Variants in PTPRQ observed in about 807,000 individuals in gnomAD.
PTPRQ encodes phosphatidylinositol phosphatase PTPRQ.
In PTPRQ, 199 loss-of-function variants were observed where a neutral mutation model predicts 246.0. That is an observed-to-expected ratio of 0.81 (90% CI 0.72 to 0.91). The LOEUF is 0.91. Ranked by LOEUF, PTPRQ falls within the 40% of genes least tolerant of loss-of-function variation. The pLI is 0.00. For synonymous variants in PTPRQ, 869 were observed against 853.2 expected (o/e 1.02, Z -0.32); for missense variants, 2,624 against 2,528.4 (o/e 1.04, Z -0.81).
At chr12:80,524,793 A>G (rs1022876275) in intron 17 of PTPRQ, among the ~76,000 whole-genome samples, 9 of 152,160 alleles carry the variant, frequency 5.9e-5, no homozygotes, top group Admixed American at 1.3e-4. Flanking sequence ...GATTAAGGAC[A>G]CAGGTAAGGT....
intron 25 of PTPRQ, among the ~76,000 whole-genome samples, chr12:80,559,123 G>T (rs1287010019): frequency 6.6e-6 from 1 of 151,956 alleles, no homozygotes; most frequent in East Asian, 1.9e-4. Context: ...CAGCTCACCG[G>T]AACCTCCGCC....
rs1333627464 is a variant in PTPRQ at position 80,622,139 on chromosome 12, G to A, written c.5686+5G>A. 28 of 1,408,870 alleles carry A rather than the reference G, an allele frequency of 2.0e-5. No homozygotes were observed. Among genetic ancestry groups the A allele is most frequent in the Non-Finnish European group, 2.6e-5 (28 of 1,073,090 alleles). The allele number at this position is 1,408,870 out of a possible 1,614,324, so 87.3% of individuals were successfully genotyped here. On this transcript the variant is annotated splice_donor_5th_base_variant and intron_variant, in intron 33 of 44. Transcript: ENST00000644991. ...CTGACCCTGTTAAGACTTTAGGTAA[G>A]ACATTTTTGTAATTCATTTATAATC...
chr12:80,528,956 C>T (rs1169207389), intron 17 of PTPRQ, among the ~76,000 whole-genome samples: 1 of 152,154 alleles, frequency 6.6e-6, no homozygotes, highest in Non-Finnish European at 1.5e-5. Context: ...CCAAACCAAA[C>T]CAAGTTAGCC....
Position 80,669,476 on chromosome 12 carries a change from AGGG to A in PTPRQ, c.6453+17_6453+19del. 6.5e-7 allele frequency: 1 copy of A among 1,532,064 alleles called. No individual in the cohort carries two copies. The allele number at this position is 1,532,064 out of a possible 1,614,324, so 94.9% of individuals were successfully genotyped here. On this transcript the variant is annotated intron_variant, in intron 41 of 44. Coordinates refer to ENST00000644991, the MANE Select transcript of PTPRQ (RefSeq NM_001145026.2). The stretch of plus-strand genomic sequence containing the variant: ...TGAAAATTGAAAGGGTAAAAAAAAA[AGGG>A]GGGGACGAGAGAACATGATATAAAA...
intron 25 of PTPRQ, among the ~76,000 whole-genome samples, chr12:80,567,787 G>A (rs1897023869): frequency 6.6e-6 from 1 of 152,100 alleles, no homozygotes; most frequent in Non-Finnish European, 1.5e-5. Flanking sequence ...CAGGGTCATA[G>A]AGTAGGTATA....
At chr12:80,473,047 G>A (rs56742420) in intron 8 of PTPRQ, among the ~76,000 whole-genome samples, 6,520 of 145,476 alleles carry the variant, frequency 0.045, 452 homozygotes, top group African/African-American at 0.16. Flanking sequence ...TCACACACAC[G>A]CACACACACA....
At chr12:80,648,656 T>TA (rs1242100964) in intron 35 of PTPRQ, among the ~76,000 whole-genome samples, 1 of 152,120 alleles carries the variant, frequency 6.6e-6, no homozygotes, top group Non-Finnish European at 1.5e-5. Context: ...TAATGACATT[T>TA]ATAATAACAA....
chr12:80,669,353 G>A lies in PTPRQ; in HGVS notation c.6342G>A (p.Gln2114=). ...TCTGAATGCAGATCAGATGCCATCA[G>A]TATTGGCCAGAGGACAACAAGCCAG... The part of the protein sequence containing the change: ...CFEKGRIRCH[Q]YWPEDNKPVT... Residue 2114 remains glutamine, a synonymous_variant, in exon 41 of 45, where the codon CAG becomes CAA. Coordinates refer to ENST00000644991, the MANE Select transcript of PTPRQ (RefSeq NM_001145026.2). 1 of 1,549,454 alleles carries A rather than the reference G, an allele frequency of 6.5e-7. No homozygotes were observed. The highest frequency in any genetic ancestry group is 2.5e-5 in the East Asian group (1 of 40,812).
chr12:80,674,055 C>A (rs2121293745), intron 43 of PTPRQ, among the ~76,000 whole-genome samples: 1 of 152,116 alleles, frequency 6.6e-6, no homozygotes, highest in Middle Eastern at 3.4e-3. Context: ...AGCACATGTT[C>A]CAAGAAGTTA....
intron 3 of PTPRQ, among the ~76,000 whole-genome samples, chr12:80,455,374 T>C (rs1892943840): frequency 6.6e-6 from 1 of 152,126 alleles, no homozygotes; most frequent in Non-Finnish European, 1.5e-5. Context: ...TAACTGAAAA[T>C]ATTTCATTTT....
Position 80,679,380 on chromosome 12 carries a change from A to G in PTPRQ, c.*357A>G, listed in dbSNP as rs997907891. The G allele has an allele frequency of 3.6e-5, 6 of 167,722 alleles. No homozygotes were observed. Among genetic ancestry groups the G allele is most frequent in the African/African-American group, 1.4e-4 (6 of 41,878 alleles). 10.4% of individuals were successfully genotyped at this position (167,722 alleles called of 1,614,324 possible). On this transcript the variant is annotated 3_prime_UTR_variant, in exon 45 of 45. Coordinates refer to ENST00000644991, the MANE Select transcript of PTPRQ (RefSeq NM_001145026.2). ...ATGTATTGGATTTAATTTTGAGCAA[A>G]AGTTGTAAATGTTGATTCAGTAGTG...
chr12:80,637,824 C>A (rs1431267257), intron 35 of PTPRQ, among the ~76,000 whole-genome samples: 2 of 152,146 alleles, frequency 1.3e-5, no homozygotes, highest in Non-Finnish European at 2.9e-5. Flanking sequence ...GTTTGAAGAT[C>A]TAAATCCGTT....
At position 80,542,282 on chromosome 12, in the gene PTPRQ, A is replaced by G; in HGVS notation, c.3639A>G (p.Thr1213=). 6.5e-7 allele frequency: 1 copy of G among 1,550,224 alleles called. No individual in the cohort carries two copies. Among genetic ancestry groups the G allele is most frequent in the Non-Finnish European group, 8.7e-7 (1 of 1,146,440 alleles). ...TATTGGAAGAGCTTTCACCATTTAC[A>G]TTATATAGCTTTTTTGCTGCCGCAA... The part of the protein sequence containing the change: ...YIILEELSPF[T]LYSFFAAART... Residue 1213 remains threonine, a synonymous_variant, in exon 22 of 45, where the codon ACA becomes ACG. Transcript: ENST00000644991.
chr12:80,554,445 G>C (rs563967968), intron 25 of PTPRQ, among the ~76,000 whole-genome samples: 1 of 152,166 alleles, frequency 6.6e-6, no homozygotes, highest in Admixed American at 6.5e-5. Flanking sequence ...TTGGTCTTTT[G>C]TGGAAGATAA....
intron 18 of PTPRQ, among the ~76,000 whole-genome samples, chr12:80,534,518 A>T (rs1895932337): frequency 6.6e-6 from 1 of 152,084 alleles, no homozygotes; most frequent in Non-Finnish European, 1.5e-5. Flanking sequence ...AAAATGCATG[A>T]ATCATTTGTC....
chr12:80,632,185 TC>T lies in PTPRQ; in HGVS notation c.5687-6del, dbSNP rs575788194. Reference sequence around the variant, plus strand: ...TATTTAATGATCCTGTTATCCCTCTTCTCCAGGGGAAGGACTTTCAGAAAGA... The same window carrying T: ...TATTTAATGATCCTGTTATCCCTCTTTCCAGGGGAAGGACTTTCAGAAAGA... On this transcript the variant is annotated splice_polypyrimidine_tract_variant and splice_region_variant and intron_variant, in intron 33 of 44. Transcript: ENST00000644991. The T allele has an allele frequency of 2.1e-4, 332 of 1,550,432 alleles. 2 individuals are homozygous for T. The East Asian group carries it at 8.0e-3, about 37-fold the overall frequency.
intron 33 of PTPRQ, 84 bp downstream of exon 33, chr12:80,622,218 C>A: frequency 9.6e-7 from 1 of 1,043,618 alleles, no homozygotes; most frequent in Non-Finnish European, 1.3e-6. Flanking sequence ...TAATCCATGT[C>A]TAGATGTTTT....
At chr12:80,580,720 G>A (rs1897407362) in intron 25 of PTPRQ, among the ~76,000 whole-genome samples, 1 of 152,080 alleles carries the variant, frequency 6.6e-6, no homozygotes, top group South Asian at 2.1e-4. Context: ...TGAAAATGTG[G>A]ACTAGATTTT....
intron 7 of PTPRQ, among the ~76,000 whole-genome samples, chr12:80,469,916 C>A (rs1237523746): frequency 6.6e-6 from 1 of 152,136 alleles, no homozygotes; most frequent in Non-Finnish European, 1.5e-5. Context: ...TGATCACATG[C>A]TTTCAGTATG....
Sources: allele counts gnomAD v4.1 joint callset (sites outside exome capture counted in the v4.1 genomes callset), GRCh38; gene constraint gnomAD v4.1.1; transcripts MANE v1.5; gene names NCBI Gene and HGNC (gene_info 2026-07-23, HGNC 2026-07-21).